The following GPR63 variants were observed in gnomAD, a reference collection of about 807,000 sequenced individuals.
The protein encoded by GPR63 is probable G protein-coupled receptor 63.
A neutral mutation model predicts 23.1 loss-of-function variants in GPR63; 12 were observed. That is an observed-to-expected ratio of 0.52 (90% confidence interval 0.33 to 0.84). The LOEUF (loss-of-function observed/expected upper bound fraction) is 0.84, where lower values mean the gene tolerates loss of function less well. Among genes scored for constraint, GPR63 ranks in the 40% least tolerant of loss-of-function variants. The pLI is 0.02. For missense variants in GPR63, 472 were observed against 515.6 expected (o/e 0.92, Z 0.82); for synonymous variants, 172 against 191.1 (o/e 0.90, Z 0.82).
intron 1 of GPR63, among the ~76,000 whole-genome samples, chr6:96,812,664 G>A (rs1774071754): frequency 6.6e-6 from 1 of 151,952 alleles, no homozygotes; most frequent in Non-Finnish European, 1.5e-5. Context: ...GATAGGTTTT[G>A]TTTATATTCC....
intron 1 of GPR63, among the ~76,000 whole-genome samples, chr6:96,815,300 A>G (rs934479663): frequency 1.3e-5 from 2 of 152,218 alleles, no homozygotes; most frequent in Admixed American, 6.5e-5. Context: ...AATGATTTGC[A>G]TGGATGTGAG....
At chr6:96,814,021 A>G (rs1232100733) in intron 1 of GPR63, among the ~76,000 whole-genome samples, 3 of 152,226 alleles carry the variant, frequency 2.0e-5, no homozygotes, top group Admixed American at 6.5e-5. Context: ...AACAAAAAAG[A>G]AAACAATTGT....
chr6:96,804,252 T>C (rs897078808), intron 1 of GPR63, among the ~76,000 whole-genome samples: 5 of 152,192 alleles, frequency 3.3e-5, no homozygotes, highest in African/African-American at 1.2e-4. Context: ...ATTTTATTTT[T>C]TTGAGACAGG....
At chr6:96,801,984 C>T (rs554764476) in intron 1 of GPR63, among the ~76,000 whole-genome samples, 18 of 152,248 alleles carry the variant, frequency 1.2e-4, no homozygotes, top group Middle Eastern at 6.8e-3. Flanking sequence ...TGTAAATTAA[C>T]CTCAATACAA....
rs1029856038 is a variant in GPR63 at position 96,798,902 on chromosome 6, T to C, written c.830A>G (p.His277Arg). ...GAGGCATATACCTTCAGGGTAGCTA[T>C]GGATCCTCAAGGCATTGTGCCGAAG... Reference protein sequence around the residue: ...NTLRHNALRIHSYPEGICLSQ... With the variant: ...NTLRHNALRIRSYPEGICLSQ... Residue 277 changes from histidine to arginine, a missense_variant, in exon 2 of 2, where the codon CAT becomes CGT. Transcript: ENST00000229955. 1 of 1,614,208 alleles carries C rather than the reference T, an allele frequency of 6.2e-7. No homozygotes were observed.
chr6:96,823,085 A>C (rs1289547289), intron 1 of GPR63, among the ~76,000 whole-genome samples: 2 of 152,220 alleles, frequency 1.3e-5, no homozygotes, highest in Non-Finnish European at 2.9e-5. Context: ...CCAGTTGTAT[A>C]AAAGTCTAGC....
intron 1 of GPR63, among the ~76,000 whole-genome samples, chr6:96,821,577 A>T (rs1774313848): frequency 6.6e-6 from 1 of 152,232 alleles, no homozygotes; most frequent in Admixed American, 6.5e-5. Flanking sequence ...GGAATAGTCT[A>T]CTACAACTAT....
intron 1 of GPR63, among the ~76,000 whole-genome samples, chr6:96,809,973 C>T (rs993837550): frequency 3.9e-5 from 6 of 152,148 alleles, no homozygotes; most frequent in African/African-American, 1.4e-4. Flanking sequence ...CAGACTTCCA[C>T]TATGTTATGC....
chr6:96,821,239 G>C (rs1367824174), intron 1 of GPR63, among the ~76,000 whole-genome samples: 1 of 152,208 alleles, frequency 6.6e-6, no homozygotes, highest in African/African-American at 2.4e-5. Context: ...ATACGCACTA[G>C]CAGTTTCACT....
chr6:96,799,696 G>C lies in GPR63; in HGVS notation c.36C>G (p.Thr12=). 1 of 1,614,124 alleles carries C rather than the reference G, an allele frequency of 6.2e-7. No individual in the cohort carries two copies. The highest frequency in any genetic ancestry group is 1.1e-5 in the South Asian group (1 of 91,074). ...VFSAVLTAFH[T]GTSNTTFVVY... ...CGACAAATGTTGTGTTGGATGTCCC[G>C]GTATGGAACGCAGTCAACACTGCCG... is the stretch of plus-strand genomic sequence containing the variant. The change falls in exon 2 of 2, where the codon ACC becomes ACG. Residue 12 remains threonine, a synonymous_variant. Transcript: ENST00000229955.
At chr6:96,825,088 C>T (rs896688881) in intron 1 of GPR63, among the ~76,000 whole-genome samples, 3 of 152,122 alleles carry the variant, frequency 2.0e-5, no homozygotes, top group Non-Finnish European at 4.4e-5. Flanking sequence ...TATTATACCT[C>T]ACTCATGCTC....
rs568573612 is a variant in GPR63, at chr6:96,828,859, G to A, written c.-151+8409C>T. ...CATAATCTATAGGGGACCCTTCATC[G>A]TTGTATTACTATCAAAGAAAAAGAG... On this transcript the variant is annotated intron_variant, in intron 1 of 1. Transcript: ENST00000229955. 5.9e-5 allele frequency among the ~76,000 whole-genome samples: 9 copies of A among 152,042 alleles called. No homozygotes were observed. In the South Asian group the frequency reaches 1.2e-3, roughly 21 times the overall value.
chr6:96,826,499 T>C lies in GPR63; in HGVS notation c.-151+10769A>G, dbSNP rs1774442140. Among the ~76,000 whole-genome samples the C allele has an allele frequency of 2.0e-5, 3 of 152,172 alleles. No individual in the cohort carries two copies. In the South Asian group the frequency reaches 6.2e-4, roughly 31 times the overall value. The stretch of plus-strand genomic sequence containing the variant: ...AAGGTATTTTGCTATCATATTGTAA[T>C]ACATTAATGTCTGCTTTTTCTTTTC... On this transcript the variant is annotated intron_variant, in intron 1 of 1. Transcript: ENST00000229955.
At chr6:96,835,611 G>A (rs1222268753) in intron 1 of GPR63, among the ~76,000 whole-genome samples, 1 of 152,068 alleles carries the variant, frequency 6.6e-6, no homozygotes, top group African/African-American at 2.4e-5. Context: ...CTACATAGGG[G>A]TTTTAGTTAT....
rs1281124437 is a variant in GPR63, at chr6:96,799,196, C to A, written c.536G>T (p.Arg179Met). ...VAILLIISID[R>M]FLIIVQRQDK... is the part of the protein sequence containing the mutation. Reference sequence around the variant, plus strand: ...CTGCCTCTGGACTATAATAAGGAACCTATCTATGCTAATGATGAGCAGGAT... The same window carrying A: ...CTGCCTCTGGACTATAATAAGGAACATATCTATGCTAATGATGAGCAGGAT... The change falls in exon 2 of 2, where the codon AGG (arginine) becomes ATG (methionine). Residue 179 changes from arginine to methionine, a missense_variant. By Grantham distance (91) the Arg-to-Met change is moderately conservative (BLOSUM62 -1). Transcript: ENST00000229955. 1.9e-6 allele frequency: 3 copies of A among 1,614,118 alleles called. No individual in the cohort carries two copies. Among genetic ancestry groups the A allele is most frequent in the Admixed American group, 1.7e-5 (1 of 60,014 alleles).
At chr6:96,836,102 G>A (rs375524732) in intron 1 of GPR63, among the ~76,000 whole-genome samples, 2 of 152,214 alleles carry the variant, frequency 1.3e-5, no homozygotes, top group African/African-American at 2.4e-5. Context: ...TTGGCAATGT[G>A]AGTGAATAAG....
At chr6:96,805,616 C>A (rs983351034) in intron 1 of GPR63, among the ~76,000 whole-genome samples, 3 of 152,148 alleles carry the variant, frequency 2.0e-5, no homozygotes, top group Non-Finnish European at 4.4e-5. Context: ...GTTATTCTAC[C>A]AGTTTTGAAA....
At chr6:96,813,723 G>C (rs1186822389) in intron 1 of GPR63, among the ~76,000 whole-genome samples, 1 of 152,144 alleles carries the variant, frequency 6.6e-6, no homozygotes, top group Non-Finnish European at 1.5e-5. Flanking sequence ...GCTGAGAATG[G>C]GTTGTTGAAG....
chr6:96,803,254 A>C (rs1369236436), intron 1 of GPR63, among the ~76,000 whole-genome samples: 1 of 152,164 alleles, frequency 6.6e-6, no homozygotes, highest in Non-Finnish European at 1.5e-5. Flanking sequence ...ACAGAGGAAA[A>C]ACCTCTAGAT....
Sources: gnomAD v4.1 joint callset for allele counts (sites outside exome capture counted in the v4.1 genomes callset) on GRCh38, gnomAD v4.1.1 for gene constraint, MANE v1.5 for transcripts, NCBI Gene and HGNC (gene_info 2026-07-23, HGNC 2026-07-21) for gene names.